UGT1A10: variants seen among roughly 807,000 people sequenced by gnomAD.
The protein encoded by UGT1A10 is UDP glucuronosyltransferase family 1 member A10, also known as UDP-glucuronosyltransferase 1A10.
Under a neutral mutation model 45.8 loss-of-function variants are expected in UGT1A10, and 49 were observed. That is an observed-to-expected ratio of 1.07 (90% confidence interval 0.85 to 1.36). The LOEUF is 1.36. Among genes scored for constraint, UGT1A10 ranks in the 40% most tolerant of loss-of-function variants. UGT1A10 has a pLI of 0.00. For synonymous variants in UGT1A10, 284 were observed against 249.7 expected (o/e 1.14, Z -1.29); for missense variants, 745 against 668.6 (o/e 1.11, Z -1.26).
intron 1 of UGT1A10, chr2:233,648,425 C>T (rs370429158): frequency 2.4e-4 from 47 of 195,700 alleles, no homozygotes; most frequent in Admixed American, 7.6e-4. Context: ...TCAGGGTTTT[C>T]GGATGCTGTG....
chr2:233,758,598 G>T (rs1696919862), intron 1 of UGT1A10, among the ~76,000 whole-genome samples: 1 of 152,158 alleles, frequency 6.6e-6, no homozygotes, highest in Admixed American at 6.5e-5. Flanking sequence ...GTGGGGAGGA[G>T]CTTCAGTGTG....
Position 233,636,718 on chromosome 2 carries a change from C to T in UGT1A10, c.196C>T (p.Leu66=). Residue 66 remains leucine, a synonymous_variant, in exon 1 of 5, where the codon CTG becomes TTG. Coordinates refer to ENST00000344644, the MANE Select transcript of UGT1A10 (RefSeq NM_019075.4). ...AGTCATGCCAGAGGTGAGTTGGCAACTGGAAAGATCACTGAATTGCACAGT... is the reference window on the plus strand; with the variant it reads ...AGTCATGCCAGAGGTGAGTTGGCAATTGGAAAGATCACTGAATTGCACAGT... ...VVVMPEVSWQ[L]ERSLNCTVKT... is the part of the protein sequence containing the mutation. 1.2e-6 allele frequency: 2 copies of T among 1,614,158 alleles called. No homozygotes were observed. The highest frequency in any genetic ancestry group is 2.2e-5 in the South Asian group (2 of 91,078).
intron 1 of UGT1A10, among the ~76,000 whole-genome samples, chr2:233,695,248 C>G (rs1273194051): frequency 6.6e-6 from 1 of 151,840 alleles, no homozygotes; most frequent in East Asian, 1.9e-4. Flanking sequence ...GCCTCAGCCT[C>G]CTGAGTAGCT....
At chr2:233,695,225 A>C (rs1490508251) in intron 1 of UGT1A10, among the ~76,000 whole-genome samples, 1 of 150,674 alleles carries the variant, frequency 6.6e-6, no homozygotes, top group Non-Finnish European at 1.5e-5. Flanking sequence ...TCCTGGGTTC[A>C]AGCGATTCTC....
chr2:233,661,056 T>A, intron 1 of UGT1A10, among the ~76,000 whole-genome samples: 1 of 152,166 alleles, frequency 6.6e-6, no homozygotes, highest in Middle Eastern at 3.2e-3. Context: ...ATAACCATCC[T>A]ACACCCACAT....
At chr2:233,705,329 T>C (rs1353705236) in intron 1 of UGT1A10, among the ~76,000 whole-genome samples, 3 of 152,204 alleles carry the variant, frequency 2.0e-5, no homozygotes, top group Non-Finnish European at 4.4e-5. Context: ...AGCAACACAT[T>C]CTCTCAATTT....
At chr2:233,697,074 A>G (rs568484645) in intron 1 of UGT1A10, among the ~76,000 whole-genome samples, 24 of 152,104 alleles carry the variant, frequency 1.6e-4, no homozygotes, top group African/African-American at 5.8e-4. Flanking sequence ...TTTTGGTATC[A>G]GGGTAACACT....
At chr2:233,672,858 G>T in intron 1 of UGT1A10, 1 of 1,530,776 alleles carries the variant, frequency 6.5e-7, no homozygotes, top group South Asian at 1.3e-5. Context: ...ATTCTTTACT[G>T]AACTGTGATT....
At chr2:233,674,209 G>A (rs772359016) in intron 1 of UGT1A10, among the ~76,000 whole-genome samples, 3 of 152,136 alleles carry the variant, frequency 2.0e-5, no homozygotes, top group African/African-American at 4.8e-5. Context: ...AAGAGTGACT[G>A]TTCAGCCAAC....
chr2:233,646,410 G>A (rs1435172653), intron 1 of UGT1A10, among the ~76,000 whole-genome samples: 2 of 152,126 alleles, frequency 1.3e-5, no homozygotes, highest in Admixed American at 6.5e-5. Context: ...CAGAAAATGG[G>A]ATTTTCTTTT....
intron 1 of UGT1A10, chr2:233,729,494 T>C (rs2077868084): frequency 6.2e-7 from 1 of 1,614,084 alleles, no homozygotes; most frequent in Non-Finnish European, 8.5e-7. Context: ...ATGTCTTTGG[T>C]CTATCATAGG....
At chr2:233,643,828 G>T (rs2073527308) in intron 1 of UGT1A10, among the ~76,000 whole-genome samples, 1 of 152,162 alleles carries the variant, frequency 6.6e-6, no homozygotes, top group Admixed American at 6.5e-5. Context: ...CCCAGGGTGT[G>T]TTCAGAAATG....
At chr2:233,644,896 G>A (rs770212066) in intron 1 of UGT1A10, among the ~76,000 whole-genome samples, 1 of 152,088 alleles carries the variant, frequency 6.6e-6, no homozygotes, top group Non-Finnish European at 1.5e-5. Flanking sequence ...TGCTAACTTG[G>A]TGTCTTCTCT....
At chr2:233,694,232 G>C (rs1484971413) in intron 1 of UGT1A10, among the ~76,000 whole-genome samples, 1 of 151,986 alleles carries the variant, frequency 6.6e-6, no homozygotes, top group Non-Finnish European at 1.5e-5. Context: ...CCCATGCTTT[G>C]TCTCTGGACC....
chr2:233,729,580 G>A, intron 1 of UGT1A10: 1 of 1,614,110 alleles, frequency 6.2e-7, no homozygotes. Context: ...GGTTTTAACA[G>A]ACCCCGTTAA....
At chr2:233,724,277 C>G (rs1162056701) in intron 1 of UGT1A10, among the ~76,000 whole-genome samples, 11 of 115,820 alleles carry the variant, frequency 9.5e-5, no homozygotes, top group African/African-American at 3.2e-4. Context: ...GGCGGCTGGC[C>G]GGGCGGGGGG....
At chr2:233,767,269 G>T in intron 2 of UGT1A10, 104 bp downstream of exon 2, 1 of 1,582,682 alleles carries the variant, frequency 6.3e-7, no homozygotes, top group South Asian at 1.2e-5. Flanking sequence ...CTTAGATTTG[G>T]CTTTTCCCTG....
chr2:233,702,748 T>C (rs1467239374), intron 1 of UGT1A10, among the ~76,000 whole-genome samples: 1 of 152,228 alleles, frequency 6.6e-6, no homozygotes, highest in African/African-American at 2.4e-5. Context: ...GGTCCCCTAT[T>C]CTAGTGATAT....
chr2:233,717,084 A>G (rs1344927220), intron 1 of UGT1A10, among the ~76,000 whole-genome samples: 1 of 152,206 alleles, frequency 6.6e-6, no homozygotes, highest in Non-Finnish European at 1.5e-5. Context: ...ACCAGAAATC[A>G]GATGACATCA....
Sources: allele counts gnomAD v4.1 joint callset (sites outside exome capture counted in the v4.1 genomes callset), GRCh38; gene constraint gnomAD v4.1.1; transcripts MANE v1.5; gene names NCBI Gene and HGNC (gene_info 2026-07-23, HGNC 2026-07-21).